The following PDZD2 variants were observed in gnomAD, a reference collection of about 807,000 sequenced individuals.
PDZD2 encodes PDZ domain containing 2, also known as PDZ domain-containing protein 2.
PDZD2 carries 90 observed loss-of-function variants against 220.7 expected under a neutral mutation model. The ratio of observed to expected loss-of-function variants is 0.41; its 90% CI spans 0.34 to 0.49. The LOEUF (loss-of-function observed/expected upper bound fraction) is 0.49, where lower values mean the gene tolerates loss of function less well. Among genes scored for constraint, PDZD2 ranks in the 20% least tolerant of loss-of-function variants. The probability of loss-of-function intolerance (pLI) is 0.28; values close to 1 mark genes in which losing one functional copy is unlikely to be tolerated. For synonymous variants in PDZD2, 1,375 were observed against 1,450.5 expected, an observed-to-expected ratio of 0.95 and a Z score of 1.18; for missense variants, 3,174 against 3,608.5, an observed-to-expected ratio of 0.88 and a Z score of 3.08.
At chr5:31,837,956 G>A (rs974949941) in intron 2 of PDZD2, among the ~76,000 whole-genome samples, 2 of 152,130 alleles carry the variant, frequency 1.3e-5, no homozygotes, top group African/African-American at 4.8e-5. Context: ...CTAAAAAAGA[G>A]CAAGAAAATG....
At chr5:32,049,288 G>T (rs1738289709) in intron 8 of PDZD2, among the ~76,000 whole-genome samples, 1 of 152,206 alleles carries the variant, frequency 6.6e-6, no homozygotes, top group African/African-American at 2.4e-5. Context: ...AACCGGTCAG[G>T]TGGTCTCCTA....
At chr5:31,907,881 G>T (rs538160201) in intron 2 of PDZD2, among the ~76,000 whole-genome samples, 1 of 152,026 alleles carries the variant, frequency 6.6e-6, no homozygotes, top group East Asian at 1.9e-4. Context: ...TCAGGAGTTC[G>T]AGACCAGCCT....
At chr5:31,858,635 G>T (rs1758663625) in intron 2 of PDZD2, among the ~76,000 whole-genome samples, 1 of 152,146 alleles carries the variant, frequency 6.6e-6, no homozygotes, top group South Asian at 2.1e-4. Flanking sequence ...CATCACTATT[G>T]TAGAACCTAA....
At chr5:31,894,944 C>G (rs1741402699) in intron 2 of PDZD2, among the ~76,000 whole-genome samples, 1 of 152,164 alleles carries the variant, frequency 6.6e-6, no homozygotes, top group African/African-American at 2.4e-5. Context: ...GCTGGAGTTG[C>G]CATAGCATGA....
At chr5:31,730,286 G>T (rs569077582) in intron 1 of PDZD2, among the ~76,000 whole-genome samples, 2 of 152,246 alleles carry the variant, frequency 1.3e-5, no homozygotes, top group South Asian at 2.1e-4. Context: ...ATGATTTCTT[G>T]TTGCCCTCTA....
At chr5:31,814,882 T>C (rs957825115) in intron 2 of PDZD2, among the ~76,000 whole-genome samples, 11 of 151,960 alleles carry the variant, frequency 7.2e-5, no homozygotes, top group South Asian at 4.2e-4. Flanking sequence ...TGGGTTAAGA[T>C]AGGCGGTTGT....
chr5:31,692,628 C>G (rs377494147), intron 1 of PDZD2, among the ~76,000 whole-genome samples: 62 of 152,360 alleles, frequency 4.1e-4, no homozygotes, highest in African/African-American at 1.4e-3. Context: ...ATTGTCAGGC[C>G]CTTGGACCAG....
At chr5:31,745,080 AT>A (rs1235283305) in intron 1 of PDZD2, among the ~76,000 whole-genome samples, 4 of 152,042 alleles carry the variant, frequency 2.6e-5, no homozygotes, top group Non-Finnish European at 5.9e-5. Context: ...CTCAAAAAAA[AT>A]AAATAAATAA....
intron 2 of PDZD2, among the ~76,000 whole-genome samples, chr5:31,970,238 G>A (rs1253391842): frequency 2.0e-5 from 3 of 152,132 alleles, no homozygotes; most frequent in Non-Finnish European, 4.4e-5. Context: ...CAATTCTCAA[G>A]ACAAATGACT....
At chr5:32,028,047 CT>C (rs751853827) in intron 6 of PDZD2, among the ~76,000 whole-genome samples, 11 of 151,088 alleles carry the variant, frequency 7.3e-5, no homozygotes, top group African/African-American at 2.2e-4. Flanking sequence ...CAGATTTTTT[CT>C]TTTTTTTTCA....
chr5:31,874,307 AAATC>A (rs1416308377), intron 2 of PDZD2, among the ~76,000 whole-genome samples: 7 of 152,206 alleles, frequency 4.6e-5, no homozygotes, highest in Admixed American at 2.6e-4. Context: ...TGGCACATAA[AAATC>A]AATCATCACA....
intron 3 of PDZD2, 98 bp from the exon 4 acceptor site, chr5:31,995,478 G>A (rs1751552400): frequency 3.3e-6 from 4 of 1,222,192 alleles, no homozygotes; most frequent in Non-Finnish European, 4.8e-6. Context: ...CTGTGGACAA[G>A]TGATGGATAT....
In PDZD2 at chr5:32,091,140, C is replaced by A; in HGVS notation, c.7692C>A (p.Ala2564=). The A allele has an allele frequency of 2.5e-6, 4 of 1,580,258 alleles. No homozygotes were observed. The highest frequency in any genetic ancestry group is 3.5e-6 in the Non-Finnish European group (4 of 1,156,846). The change falls in exon 20 of 25, where the codon GCC becomes GCA. Residue 2564 remains alanine, a synonymous_variant. Transcript: ENST00000438447. ...CAGCCAGTGATACGGGTGAAGCTGC[C>A]CAGGATCTGCCTTTTAGAAGAAGCT... ...PSSASDTGEA[A]QDLPFRRSWS... is the part of the protein sequence containing the mutation.
chr5:32,010,366 A>C lies in PDZD2; in HGVS notation c.1291A>C (p.Lys431Gln). The stretch of plus-strand genomic sequence containing the variant: ...AGAGGACCTCCTCAGGTTAACATCT[A>C]AGAGCTTGCCAGATCTGACCAGCTC... Reference protein sequence around the residue: ...SAEDLLRLTSKSLPDLTSSVE... With the variant: ...SAEDLLRLTSQSLPDLTSSVE... The change falls in exon 6 of 25, where the codon AAG becomes CAG. Residue 431 changes from lysine to glutamine, a missense_variant. Lys to Gln is a moderately conservative substitution (Grantham distance 53, BLOSUM62 1). Transcript: ENST00000438447. The C allele has an allele frequency of 6.2e-7, 1 of 1,611,438 alleles. No individual in the cohort carries two copies. Among genetic ancestry groups the C allele is most frequent in the Non-Finnish European group, 8.5e-7 (1 of 1,177,828 alleles).
At chr5:31,835,852 G>T (rs971772868) in intron 2 of PDZD2, among the ~76,000 whole-genome samples, 4 of 152,150 alleles carry the variant, frequency 2.6e-5, no homozygotes, top group African/African-American at 9.7e-5. Flanking sequence ...ACAAATGTTT[G>T]TTGAGTGACA....
rs1368203383 is a variant in PDZD2, at chr5:32,090,806, C to T, written c.7358C>T (p.Thr2453Ile). Residue 2453 changes from threonine to isoleucine, a missense_variant, in exon 20 of 25, where the codon ACC (threonine) becomes ATC (isoleucine). Thr to Ile is a moderately conservative substitution (Grantham distance 89). Transcript: ENST00000438447. The surrounding 1 kb of genome is among the most constrained non-coding windows in gnomAD (Gnocchi z 4.3). Reference protein sequence around the residue: ...KKSLGPLGIPTPTMTLASPVK... With the variant: ...KKSLGPLGIPIPTMTLASPVK... ...TCACTTGGTCCTTTGGGAATTCCCA[C>T]CCCAACGATGACCCTGGCTTCTCCT... is the stretch of plus-strand genomic sequence containing the variant. The T allele has an allele frequency of 4.3e-6, 7 of 1,613,996 alleles. No individual in the cohort carries two copies. Among genetic ancestry groups the T allele is most frequent in the African/African-American group, 2.7e-5 (2 of 74,928 alleles).
intron 1 of PDZD2, among the ~76,000 whole-genome samples, chr5:31,685,850 C>T (rs1015753932): frequency 1.3e-5 from 2 of 151,542 alleles, no homozygotes; most frequent in Non-Finnish European, 2.9e-5. Context: ...TCCCAGACAT[C>T]GTCATTTATC....
chr5:32,066,404 T>G (rs1214472954), intron 14 of PDZD2, among the ~76,000 whole-genome samples: 1 of 152,198 alleles, frequency 6.6e-6, no homozygotes, highest in African/African-American at 2.4e-5. Flanking sequence ...TCCACCTTTT[T>G]CTGTTTTTTC....
At chr5:31,972,972 A>G (rs1255596095) in intron 2 of PDZD2, among the ~76,000 whole-genome samples, 1 of 152,252 alleles carries the variant, frequency 6.6e-6, no homozygotes, top group Non-Finnish European at 1.5e-5. Context: ...ATCACTGGCA[A>G]ATAGAAGCCT....
Sources: allele counts gnomAD v4.1 joint callset (sites outside exome capture counted in the v4.1 genomes callset), GRCh38; gene constraint gnomAD v4.1.1; non-coding constraint Gnocchi (gnomAD v3.1); transcripts MANE v1.5; gene names NCBI Gene and HGNC (gene_info 2026-07-23, HGNC 2026-07-21).